GABRA3: variants seen among roughly 807,000 people sequenced by gnomAD.
GABRA3 encodes the protein gamma-aminobutyric acid type A receptor subunit alpha3, also known as gamma-aminobutyric acid receptor subunit alpha-3.
GABRA3 carries 10 observed loss-of-function variants against 30.1 expected under a neutral mutation model. The ratio of observed to expected loss-of-function variants is 0.33; its 90% CI spans 0.20 to 0.56. The LOEUF is 0.56. GABRA3 is among the 20% of genes least tolerant of loss of function. GABRA3 has a pLI of 0.89. For synonymous variants in GABRA3, 151 were observed against 146.8 expected (o/e 1.03, Z -0.21); for missense variants, 233 against 392.0 (o/e 0.59, Z 3.42).
intron 3 of GABRA3, among the ~76,000 whole-genome samples, chrX:152,295,045 T>C (rs752177919): frequency 1.8e-5 from 2 of 111,538 alleles, no homozygotes; most frequent in South Asian, 7.6e-4. Context: ...CGAATATTGC[T>C]GCCTGATTCT....
intron 1 of GABRA3, among the ~76,000 whole-genome samples, chrX:152,400,021 T>C (rs764383862): frequency 9.0e-6 from 1 of 111,552 alleles, no homozygotes; most frequent in East Asian, 2.8e-4. Flanking sequence ...GACCTCAACA[T>C]TGCAAGTGAA....
intron 2 of GABRA3, among the ~76,000 whole-genome samples, chrX:152,350,107 T>A (rs1401185842): frequency 7.3e-4 from 74 of 101,169 alleles, no homozygotes; most frequent in African/African-American, 2.4e-3. Flanking sequence ...ACAAACTATC[T>A]CTCAGACCAC....
intron 5 of GABRA3, among the ~76,000 whole-genome samples, chrX:152,226,827 A>T (rs1357870381): frequency 5.3e-5 from 6 of 112,152 alleles, no homozygotes; most frequent in African/African-American, 9.7e-5. Flanking sequence ...TCAAAACCAC[A>T]ATGAGATACC....
intron 1 of GABRA3, among the ~76,000 whole-genome samples, chrX:152,408,148 C>G (rs952801957): frequency 9.9e-5 from 11 of 111,516 alleles, no homozygotes; most frequent in African/African-American, 3.6e-4. Context: ...AAAGTCTTTC[C>G]TCTAACATCT....
At chrX:152,355,360 C>T (rs1350239028) in intron 2 of GABRA3, among the ~76,000 whole-genome samples, 1 of 111,280 alleles carries the variant, frequency 9.0e-6, no homozygotes, top group East Asian at 2.8e-4. Flanking sequence ...TTATGGGCGC[C>T]ATTGGCCTAT....
chrX:152,230,978 G>C (rs999288006), intron 5 of GABRA3, among the ~76,000 whole-genome samples: 17 of 109,944 alleles, frequency 1.5e-4, no homozygotes, highest in Non-Finnish European at 3.0e-4. Flanking sequence ...CAAAGCTTTT[G>C]CTTGTCAAAA....
At chrX:152,429,006 C>T (rs1930581274) in intron 1 of GABRA3, among the ~76,000 whole-genome samples, 1 of 111,184 alleles carries the variant, frequency 9.0e-6, no homozygotes, top group Admixed American at 9.6e-5. Context: ...GGGATCCCAG[C>T]ACAAGAACAC....
chrX:152,193,489 G>A (rs1183487319), intron 8 of GABRA3, among the ~76,000 whole-genome samples: 2 of 111,650 alleles, frequency 1.8e-5, no homozygotes, highest in African/African-American at 6.5e-5. Flanking sequence ...AAAGATACTG[G>A]GATGATTTAC....
At chrX:152,403,796 A>G (rs1394896264) in intron 1 of GABRA3, among the ~76,000 whole-genome samples, 1 of 110,916 alleles carries the variant, frequency 9.0e-6, no homozygotes, top group African/African-American at 3.3e-5. Context: ...GAGAAGTGGA[A>G]CACAGTTTCC....
At chrX:152,297,595 A>T (rs1437365256) in intron 3 of GABRA3, among the ~76,000 whole-genome samples, 1 of 112,152 alleles carries the variant, frequency 8.9e-6, no homozygotes, top group Non-Finnish European at 1.9e-5. Context: ...ATTTTATAAC[A>T]TCTCAGTATA....
At chrX:152,399,299 A>G (rs1309458603) in intron 1 of GABRA3, among the ~76,000 whole-genome samples, 1 of 112,050 alleles carries the variant, frequency 8.9e-6, no homozygotes, top group African/African-American at 3.2e-5. Context: ...AGGATTCTCA[A>G]CTTTAAGGGG....
At chrX:152,398,971 T>C (rs1034852422) in intron 1 of GABRA3, among the ~76,000 whole-genome samples, 8 of 111,511 alleles carry the variant, frequency 7.2e-5, no homozygotes, top group African/African-American at 2.6e-4. Flanking sequence ...GATAAAACAT[T>C]TTACTTTCTC....
At chrX:152,340,754 A>T (rs182354883) in intron 3 of GABRA3, among the ~76,000 whole-genome samples, 65 of 111,335 alleles carry the variant, frequency 5.8e-4, no homozygotes, top group Non-Finnish European at 9.1e-4. Flanking sequence ...TTTTCTTTTT[A>T]TCATTGGTTC....
chrX:152,291,893 G>A (rs1203659963), intron 3 of GABRA3, among the ~76,000 whole-genome samples: 1 of 111,824 alleles, frequency 8.9e-6, no homozygotes, highest in Non-Finnish European at 1.9e-5. Flanking sequence ...GCTTTTTGAT[G>A]TACTTACTGC....
chrX:152,344,649 AC>A (rs1441015258), intron 3 of GABRA3, among the ~76,000 whole-genome samples: 1 of 112,037 alleles, frequency 8.9e-6, no homozygotes, highest in African/African-American at 3.2e-5. Context: ...ATCTACATTA[AC>A]ATTACCAGTA....
chrX:152,237,578 A>C (rs1938252067), intron 5 of GABRA3, among the ~76,000 whole-genome samples: 1 of 105,246 alleles, frequency 9.5e-6, no homozygotes, highest in Non-Finnish European at 1.9e-5. Context: ...TCTGTAAATT[A>C]CCTTGGGCAG....
intron 3 of GABRA3, among the ~76,000 whole-genome samples, chrX:152,302,042 A>G (rs1041130324): frequency 3.9e-4 from 43 of 111,623 alleles, no homozygotes; most frequent in African/African-American, 1.2e-3. Flanking sequence ...CATATTATAA[A>G]GAAATATTTC....
intron 1 of GABRA3, among the ~76,000 whole-genome samples, chrX:152,409,555 A>C (rs1930017829): frequency 8.9e-6 from 1 of 112,006 alleles, no homozygotes; most frequent in African/African-American, 3.2e-5. Flanking sequence ...TACATAGCAA[A>C]GAAAACAGTC....
chrX:152,353,705 G>A (rs1382530986), intron 2 of GABRA3, among the ~76,000 whole-genome samples: 2 of 111,760 alleles, frequency 1.8e-5, no homozygotes, highest in East Asian at 5.7e-4. Flanking sequence ...CATGATCAAA[G>A]CAATGAGCTG....
Sources: allele counts gnomAD v4.1 joint callset (sites outside exome capture counted in the v4.1 genomes callset), GRCh38; gene constraint gnomAD v4.1.1; transcripts MANE v1.5; gene names NCBI Gene and HGNC (gene_info 2026-07-23, HGNC 2026-07-21).